Variants in AFF1 observed in about 807,000 individuals in gnomAD.
AFF1 encodes ALF transcription elongation factor 1, also known as AF4/FMR2 family member 1.
A neutral mutation model predicts 121.7 loss-of-function variants in AFF1; 48 were observed. The observed-to-expected ratio is 0.39, with a 90% CI of 0.31 to 0.50. AFF1 has a LOEUF of 0.50. AFF1 is among the 20% of genes least tolerant of loss of function. The pLI is 0.76. For synonymous variants in AFF1, 613 were observed against 563.0 expected (o/e 1.09, Z -1.26); for missense variants, 1,523 against 1,511.7 (o/e 1.01, Z -0.12).
At chr4:87,126,416 T>C in intron 14 of AFF1, 80 bp downstream of exon 14, 1 of 1,352,314 alleles carries the variant, frequency 7.4e-7, no homozygotes, top group Admixed American at 1.7e-5. Context: ...AAGTTGCTAG[T>C]GATGGCACTT....
rs965662218 is a variant in AFF1, at chr4:87,130,359, C to T, written c.2965-724C>T. On this transcript the variant is annotated intron_variant, in intron 16 of 20. Coordinates refer to ENST00000395146, the MANE Select transcript of AFF1 (RefSeq NM_001166693.3). Reference sequence around the variant, plus strand: ...CAGTTGCTCTCAAGGTCTTCATGGGCAGTACATACGCCACATGTAGAGAGA... The same window carrying T: ...CAGTTGCTCTCAAGGTCTTCATGGGTAGTACATACGCCACATGTAGAGAGA... Among the ~76,000 whole-genome samples the T allele has an allele frequency of 5.9e-5, 9 of 152,294 alleles. 1 individual carries two copies. The highest frequency in any genetic ancestry group is 5.2e-4 in the Admixed American group (8 of 15,304).
chr4:86,982,877 G>GAAAAAAAAAA (rs1723885745), intron 2 of AFF1, among the ~76,000 whole-genome samples: 4 of 127,164 alleles, frequency 3.1e-5, no homozygotes, highest in African/African-American at 1.4e-4. Flanking sequence ...AAAAAAAAAG[G>GAAAAAAAAAA]AAGCTTGTTT....
intron 2 of AFF1, among the ~76,000 whole-genome samples, chr4:86,974,324 ATTT>A (rs1723145202): frequency 6.6e-6 from 1 of 151,808 alleles, no homozygotes; most frequent in South Asian, 2.1e-4. Context: ...ATTTTTTTGT[ATTT>A]TTAGTAGAGA....
intron 4 of AFF1, among the ~76,000 whole-genome samples, chr4:87,055,235 A>G (rs10489044): frequency 0.13 from 20,436 of 152,286 alleles, 1,857 homozygotes; most frequent in Middle Eastern, 0.23. Flanking sequence ...CTCTGAAGGA[A>G]ACTTTTTAAG....
intron 2 of AFF1, among the ~76,000 whole-genome samples, chr4:87,036,627 A>AT (rs1729588050): frequency 6.6e-6 from 1 of 152,178 alleles, no homozygotes; most frequent in Non-Finnish European, 1.5e-5. Flanking sequence ...TTAAAAACCA[A>AT]TTGATGAGGA....
At chr4:87,005,850 A>G (rs1726071046) in intron 2 of AFF1, among the ~76,000 whole-genome samples, 1 of 152,264 alleles carries the variant, frequency 6.6e-6, no homozygotes, top group Non-Finnish European at 1.5e-5. Flanking sequence ...AGTGACTACT[A>G]GTTTCATTTG....
intron 4 of AFF1, among the ~76,000 whole-genome samples, chr4:87,065,521 AAAG>A (rs1721262456): frequency 6.6e-6 from 1 of 151,840 alleles, no homozygotes; most frequent in Admixed American, 6.6e-5. Flanking sequence ...AAAAAAAAAA[AAAG>A]TGAGTTGATC....
At position 87,137,149 on chromosome 4, in the gene AFF1, C is replaced by A; in HGVS notation, c.*1448C>A. The A allele has an allele frequency of 4.4e-6, 1 of 226,890 alleles. No individual in the cohort carries two copies. Among genetic ancestry groups the A allele is most frequent in the Non-Finnish European group, 8.8e-6 (1 of 113,962 alleles). The allele number at this position is 226,890 out of a possible 1,614,324, so 14.1% of individuals were successfully genotyped here. A position where few individuals can be genotyped will look rare whatever the true frequency, so the allele number is the denominator to read the frequency against. ...CTTTGAGTGCAGTGTTTTTAAAAGC[C>A]AATTCTTTTTTATCCCTTTTAGAAG... is the stretch of plus-strand genomic sequence containing the variant. On this transcript the variant is annotated 3_prime_UTR_variant, in exon 21 of 21. Coordinates refer to ENST00000395146, the MANE Select transcript of AFF1 (RefSeq NM_001166693.3).
intron 2 of AFF1, among the ~76,000 whole-genome samples, chr4:87,011,955 A>AT (rs1312389011): frequency 6.6e-6 from 1 of 152,222 alleles, no homozygotes; most frequent in Admixed American, 6.5e-5. Flanking sequence ...CCATAGCTGG[A>AT]TTTACACTCT....
intron 8 of AFF1, among the ~76,000 whole-genome samples, chr4:87,101,120 A>G (rs1725388075): frequency 6.6e-6 from 1 of 151,614 alleles, no homozygotes; most frequent in South Asian, 2.1e-4. Context: ...ATTTCCTATT[A>G]TATGTTGTGT....
chr4:87,132,526 G>A, intron 19 of AFF1, 118 bp downstream of exon 19: 1 of 994,792 alleles, frequency 1.0e-6, no homozygotes, highest in Admixed American at 3.4e-5. Context: ...AAAATTGTTG[G>A]CTTCATCTGT....
intron 20 of AFF1, 140 bp from the exon 21 acceptor site, chr4:87,135,440 G>C (rs1729217591): frequency 4.6e-6 from 4 of 878,472 alleles, no homozygotes; most frequent in Non-Finnish European, 6.5e-6. Flanking sequence ...AATTACAGTA[G>C]ATTGTGATTT....
At chr4:86,948,967 G>A (rs1721066480) in intron 2 of AFF1, among the ~76,000 whole-genome samples, 1 of 151,984 alleles carries the variant, frequency 6.6e-6, no homozygotes, top group South Asian at 2.1e-4. Context: ...CTTCATATTT[G>A]TATTTTGCCC....
Position 87,111,260 on chromosome 4 carries a change from G to A in AFF1, c.1533+2945G>A, listed in dbSNP as rs1324574100. Among the ~76,000 whole-genome samples the A allele has an allele frequency of 9.6e-4, 27 of 28,240 alleles. 10 individuals carry two copies. Among genetic ancestry groups the A allele is most frequent in the Admixed American group, 8.1e-3 (15 of 1,842 alleles). 18.5% of individuals were successfully genotyped at this position (28,240 alleles called of 152,430 possible). Reference sequence around the variant, plus strand: ...TCTCGATCTCCTGACCTCGTGATCCGCCCGCCTCGGCCTCCCAAAGTGCTG... The same window carrying A: ...TCTCGATCTCCTGACCTCGTGATCCACCCGCCTCGGCCTCCCAAAGTGCTG... On this transcript the variant is annotated intron_variant, in intron 11 of 20. Transcript: ENST00000395146.
At chr4:87,067,250 G>A (rs1026411289) in intron 4 of AFF1, among the ~76,000 whole-genome samples, 2 of 152,224 alleles carry the variant, frequency 1.3e-5, no homozygotes, top group African/African-American at 2.4e-5. Context: ...TACTCTGTGT[G>A]TACAGGCACT....
intron 2 of AFF1, among the ~76,000 whole-genome samples, chr4:86,995,812 A>T (rs1224872824): frequency 7.5e-6 from 1 of 133,676 alleles, no homozygotes; most frequent in East Asian, 2.3e-4. Flanking sequence ...CTGGCTGCCC[A>T]GTCTGGAAAG....
chr4:86,987,119 T>TTA (rs1436152628), intron 2 of AFF1, among the ~76,000 whole-genome samples: 2 of 152,112 alleles, frequency 1.3e-5, no homozygotes. Flanking sequence ...TCAAGCCTAT[T>TTA]TAAAACTGAA....
chr4:87,088,408 A>G (rs1723948964), intron 5 of AFF1, among the ~76,000 whole-genome samples: 1 of 152,208 alleles, frequency 6.6e-6, no homozygotes, highest in Non-Finnish European at 1.5e-5. Flanking sequence ...GCAACGGGAG[A>G]CCTGCACATA....
intron 2 of AFF1, among the ~76,000 whole-genome samples, chr4:86,978,124 A>T (rs1285805813): frequency 2.7e-5 from 4 of 145,866 alleles, no homozygotes; most frequent in South Asian, 4.5e-4. Flanking sequence ...GAATTTTTTT[A>T]AAATGATGTC....
Sources: gnomAD v4.1 joint callset for allele counts (sites outside exome capture counted in the v4.1 genomes callset) on GRCh38, gnomAD v4.1.1 for gene constraint, MANE v1.5 for transcripts, NCBI Gene and HGNC (gene_info 2026-07-23, HGNC 2026-07-21) for gene names.